The following ZNF804B variants were observed in gnomAD, a reference collection of about 807,000 sequenced individuals.
The protein encoded by ZNF804B is zinc finger protein 804B.
In ZNF804B, 80 loss-of-function variants were observed where a neutral mutation model predicts 101.4. The observed-to-expected ratio is 0.79, with a 90% CI of 0.66 to 0.95. The LOEUF (loss-of-function observed/expected upper bound fraction) is 0.95, where lower values mean the gene tolerates loss of function less well. Among genes scored for constraint, ZNF804B ranks in the 40% least tolerant of loss-of-function variants. ZNF804B has a pLI of 0.00. For missense variants in ZNF804B, 1,673 were observed against 1,561.9 expected, an observed-to-expected ratio of 1.07 and a Z score of -1.20; for synonymous variants, 622 against 558.8, an observed-to-expected ratio of 1.11 and a Z score of -1.59.
At chr7:89,125,514 A>G (rs939720626) in intron 1 of ZNF804B, among the ~76,000 whole-genome samples, 1 of 152,058 alleles carries the variant, frequency 6.6e-6, no homozygotes, top group Non-Finnish European at 1.5e-5. Flanking sequence ...GCCATAATTG[A>G]TTACTATTGT....
intron 1 of ZNF804B, among the ~76,000 whole-genome samples, chr7:89,066,315 C>T (rs1277315872): frequency 2.6e-5 from 4 of 152,000 alleles, no homozygotes; most frequent in Non-Finnish European, 5.9e-5. Flanking sequence ...AACATTGTGC[C>T]CTGAAGCTAC....
At chr7:89,028,631 G>A (rs1018547052) in intron 1 of ZNF804B, among the ~76,000 whole-genome samples, 1 of 152,116 alleles carries the variant, frequency 6.6e-6, no homozygotes, top group Non-Finnish European at 1.5e-5. Context: ...ATCGAGCAGG[G>A]CATGCCATAC....
chr7:89,091,690 T>C lies in ZNF804B; in HGVS notation c.109-126465T>C, dbSNP rs553331553. Among the ~76,000 whole-genome samples the C allele has an allele frequency of 3.9e-5, 6 of 152,268 alleles. No homozygotes were observed. The East Asian group carries it at 1.2e-3, about 29-fold the overall frequency. On this transcript the variant is annotated intron_variant, in intron 1 of 3. Transcript: ENST00000333190. The stretch of plus-strand genomic sequence containing the variant: ...ATACTTTTATCTTTCCACTTTCCCT[T>C]GTGTGGCTCATTCTCCCTCTCACTG...
At chr7:88,897,112 AG>A (rs1368594860) in intron 1 of ZNF804B, among the ~76,000 whole-genome samples, 12 of 152,218 alleles carry the variant, frequency 7.9e-5, no homozygotes, top group African/African-American at 2.9e-4. Context: ...CCACCACTAA[AG>A]ATATCCATGC....
chr7:88,951,002 G>A (rs17165697), intron 1 of ZNF804B, among the ~76,000 whole-genome samples: 14,772 of 151,652 alleles, frequency 0.097, 972 homozygotes, highest in East Asian at 0.2. Context: ...TAAGCAATTA[G>A]GACAGAGTTG....
chr7:89,115,106 A>T (rs575290177), intron 1 of ZNF804B, among the ~76,000 whole-genome samples: 5 of 152,074 alleles, frequency 3.3e-5, no homozygotes, highest in Non-Finnish European at 7.4e-5. Context: ...ATAATAGAAC[A>T]TAGAGGGATA....
At chr7:89,293,424 TTAAA>T (rs1289744199) in intron 2 of ZNF804B, among the ~76,000 whole-genome samples, 1 of 152,166 alleles carries the variant, frequency 6.6e-6, no homozygotes, top group African/African-American at 2.4e-5. Flanking sequence ...AAGTAAATTT[TTAAA>T]TAAATAAACT....
At chr7:89,243,989 T>C (rs999585781) in intron 2 of ZNF804B, among the ~76,000 whole-genome samples, 1 of 152,018 alleles carries the variant, frequency 6.6e-6, no homozygotes, top group African/African-American at 2.4e-5. Context: ...ATCCATTATA[T>C]AATAACATGA....
chr7:88,879,157 C>T (rs1263402064), intron 1 of ZNF804B, among the ~76,000 whole-genome samples: 4 of 152,130 alleles, frequency 2.6e-5, no homozygotes, highest in Non-Finnish European at 4.4e-5. Context: ...TGAATGTTAG[C>T]GTCAATTACT....
At chr7:89,287,669 T>C (rs930776106) in intron 2 of ZNF804B, among the ~76,000 whole-genome samples, 1 of 152,056 alleles carries the variant, frequency 6.6e-6, no homozygotes, top group African/African-American at 2.4e-5. Flanking sequence ...TGAGATTCCA[T>C]AGTACTAGAT....
At chr7:89,176,851 A>G (rs1227777580) in intron 1 of ZNF804B, among the ~76,000 whole-genome samples, 2 of 151,702 alleles carry the variant, frequency 1.3e-5, no homozygotes, top group African/African-American at 4.8e-5. Context: ...GAATATCTTC[A>G]TGGTTCAATC....
chr7:89,224,712 A>ATGTGTGTGTG (rs56064065), intron 2 of ZNF804B, among the ~76,000 whole-genome samples: 8 of 144,074 alleles, frequency 5.6e-5, no homozygotes, highest in African/African-American at 7.8e-5. Flanking sequence ...CTGGCAAAGT[A>ATGTGTGTGTG]TGTGTGTGTG....
chr7:89,024,824 G>A (rs953221152), intron 1 of ZNF804B, among the ~76,000 whole-genome samples: 3 of 151,826 alleles, frequency 2.0e-5, no homozygotes, highest in African/African-American at 7.3e-5. Flanking sequence ...ATTCTCGCAT[G>A]TTAAAATTTA....
At chr7:88,904,334 A>G (rs557425573) in intron 1 of ZNF804B, among the ~76,000 whole-genome samples, 16 of 152,232 alleles carry the variant, frequency 1.1e-4, no homozygotes, top group African/African-American at 3.6e-4. Context: ...TAACAGTGCC[A>G]TGCTGTTTTG....
chr7:88,870,103 T>A (rs1259053557), intron 1 of ZNF804B, among the ~76,000 whole-genome samples: 3 of 152,058 alleles, frequency 2.0e-5, no homozygotes, highest in Non-Finnish European at 2.9e-5. Flanking sequence ...GGTGGGTGAT[T>A]GGGCCGGGCG....
Position 89,313,308 on chromosome 7 carries a change from A to G in ZNF804B, c.250-14036A>G, listed in dbSNP as rs368904059. The stretch of plus-strand genomic sequence containing the variant: ...TGGCGTTTTACTCTGAACTAAAGAA[A>G]AACATTAACACATGGAAATTATCCT... On this transcript the variant is annotated intron_variant, in intron 2 of 3. Coordinates refer to ENST00000333190, the MANE Select transcript of ZNF804B (RefSeq NM_181646.5). 1.4e-3 allele frequency among the ~76,000 whole-genome samples: 217 copies of G among 152,336 alleles called. 1 individual carries two copies. The highest frequency in any genetic ancestry group is 4.9e-3 in the African/African-American group (205 of 41,574).
intron 1 of ZNF804B, among the ~76,000 whole-genome samples, chr7:89,120,386 G>A (rs1325667819): frequency 2.0e-5 from 3 of 152,028 alleles, no homozygotes; most frequent in Non-Finnish European, 4.4e-5. Context: ...GGCCGGGTGC[G>A]GTGGCTCACG....
At chr7:88,869,942 C>T (rs372850160) in intron 1 of ZNF804B, among the ~76,000 whole-genome samples, 46 of 152,252 alleles carry the variant, frequency 3.0e-4, no homozygotes, top group African/African-American at 1.1e-3. Flanking sequence ...TAAAACCAGC[C>T]TAGCAATTTT....
At chr7:88,782,833 G>A (rs969107276) in intron 1 of ZNF804B, among the ~76,000 whole-genome samples, 2 of 152,130 alleles carry the variant, frequency 1.3e-5, no homozygotes, top group African/African-American at 4.8e-5. Context: ...TTAGCAGCAA[G>A]CATGGGTGAG....
Sources: allele counts gnomAD v4.1 joint callset (sites outside exome capture counted in the v4.1 genomes callset), GRCh38; gene constraint gnomAD v4.1.1; transcripts MANE v1.5; gene names NCBI Gene and HGNC (gene_info 2026-07-23, HGNC 2026-07-21).